Variants in SWAP70 observed in about 807,000 individuals in gnomAD.
SWAP70 encodes switching B cell complex subunit SWAP70.
A neutral mutation model predicts 80.2 loss-of-function variants in SWAP70; 34 were observed. The observed-to-expected ratio is 0.42, with a 90% CI of 0.32 to 0.56. The LOEUF is 0.56. Among genes scored for constraint, SWAP70 ranks in the 20% least tolerant of loss-of-function variants. SWAP70 has a pLI of 0.09. For synonymous variants in SWAP70, 239 were observed against 238.5 expected, an observed-to-expected ratio of 1.00 and a Z score of -0.02; for missense variants, 578 against 690.7, an observed-to-expected ratio of 0.84 and a Z score of 1.83.
At chr11:9,734,039 A>G (rs1223870692) in intron 7 of SWAP70, among the ~76,000 whole-genome samples, 1 of 152,190 alleles carries the variant, frequency 6.6e-6, no homozygotes, top group African/African-American at 2.4e-5. Flanking sequence ...GAATGTTTAC[A>G]TTATATACTG....
intron 9 of SWAP70, among the ~76,000 whole-genome samples, chr11:9,746,842 T>C (rs1376314816): frequency 6.6e-6 from 1 of 152,222 alleles, no homozygotes; most frequent in African/African-American, 2.4e-5. Flanking sequence ...ACCTAGAGTA[T>C]TGGAGCTGAG....
chr11:9,740,190 C>A lies in SWAP70; in HGVS notation c.1198C>A (p.Gln400Lys). The change falls in exon 9 of 12, where the codon CAG (glutamine) becomes AAG (lysine). Residue 400 changes from glutamine (Q) to lysine (K), a missense_variant. Physicochemically the swap from Gln to Lys is moderately conservative, Grantham distance 53. Transcript: ENST00000318950. The part of the protein sequence containing the change: ...ELEREKLIRQ[Q>K]MEEQVAQKSS... ...CCTTTTATACCAACAGATCAGACAG[C>A]AGATGGAAGAACAGGTTGCTCAAAA... is the stretch of plus-strand genomic sequence containing the variant. 6.2e-7 allele frequency: 1 copy of A among 1,613,958 alleles called. No individual in the cohort carries two copies. Among genetic ancestry groups the A allele is most frequent in the Non-Finnish European group, 8.5e-7 (1 of 1,179,926 alleles).
At chr11:9,740,675 C>CT (rs1227060481) in intron 9 of SWAP70, 2 of 369,564 alleles carry the variant, frequency 5.4e-6, no homozygotes, top group African/African-American at 4.2e-5. Flanking sequence ...AGCTTGGCAT[C>CT]TTCAACACGC....
chr11:9,724,923 G>T (rs768249242), intron 4 of SWAP70, 38 bp downstream of exon 4: 11 of 1,306,694 alleles, frequency 8.4e-6, no homozygotes, highest in Non-Finnish European at 1.1e-5. Flanking sequence ...CTCATCTTTA[G>T]AATTTGACAT....
rs1040033640 is a variant in SWAP70 at position 9,714,593 on chromosome 11, G to C, written c.414+954G>C. Among the ~76,000 whole-genome samples, 3 of 152,136 alleles carry C rather than the reference G, an allele frequency of 2.0e-5. No individual in the cohort carries two copies. The South Asian group carries it at 6.2e-4, about 31-fold the overall frequency. ...CAAGGCAAAGTTGCCCTTCAGAAAG[G>C]CTGTACCAAGGCATTAAAGGGTGGG... is the stretch of plus-strand genomic sequence containing the variant. On this transcript the variant is annotated intron_variant, in intron 3 of 11. Coordinates refer to ENST00000318950, the MANE Select transcript of SWAP70 (RefSeq NM_015055.4).
At chr11:9,699,743 C>T (rs1230819513) in intron 2 of SWAP70, among the ~76,000 whole-genome samples, 2 of 151,994 alleles carry the variant, frequency 1.3e-5, no homozygotes, top group African/African-American at 4.8e-5. Flanking sequence ...GTAGTCCTAA[C>T]TACTTGAGAG....
chr11:9,716,140 G>A (rs1394821483), intron 3 of SWAP70, among the ~76,000 whole-genome samples: 1 of 152,188 alleles, frequency 6.6e-6, no homozygotes, highest in East Asian at 1.9e-4. Context: ...AGATGAAGCT[G>A]GAGAGTTTTG....
At chr11:9,749,627 A>G (rs1305072182) in intron 11 of SWAP70, among the ~76,000 whole-genome samples, 2 of 152,184 alleles carry the variant, frequency 1.3e-5, no homozygotes, top group Non-Finnish European at 2.9e-5. Flanking sequence ...GCCCAAATGT[A>G]AAAAAACCAA....
chr11:9,695,445 AAAG>A (rs1192656258), intron 2 of SWAP70, among the ~76,000 whole-genome samples: 9 of 152,294 alleles, frequency 5.9e-5, no homozygotes, highest in African/African-American at 1.7e-4. Flanking sequence ...CTGCCCTAAA[AAAG>A]AGTGAGATCA....
intron 10 of SWAP70, 95 bp downstream of exon 10, chr11:9,748,151 G>C: frequency 7.7e-7 from 1 of 1,294,512 alleles, no homozygotes; most frequent in African/African-American, 1.5e-5. Flanking sequence ...ATATGAAGCT[G>C]TAGTAAGAAT....
rs1019468321 is a variant in SWAP70 at position 9,727,905 on chromosome 11, A to G, written c.643-148A>G. 2.1e-5 allele frequency: 17 copies of G among 826,324 alleles called. No individual in the cohort carries two copies. The African/African-American group carries it at 2.2e-4, about 11-fold the overall frequency. The allele number at this position is 826,324 out of a possible 1,614,324, so 51.2% of individuals were successfully genotyped here. A position where few individuals can be genotyped will look rare whatever the true frequency, so the allele number is the denominator to read the frequency against. ...GCATGACTAGGTGTAATGCCCCTCC[A>G]TAGATTCTCAGAGGATCCAAGAACA... is the stretch of plus-strand genomic sequence containing the variant. On this transcript the variant is annotated intron_variant, in intron 4 of 11. Coordinates refer to ENST00000318950, the MANE Select transcript of SWAP70 (RefSeq NM_015055.4).
intron 8 of SWAP70, among the ~76,000 whole-genome samples, chr11:9,739,432 T>C (rs527720926): frequency 3.1e-4 from 47 of 152,262 alleles, no homozygotes; most frequent in Non-Finnish European, 5.3e-4. Flanking sequence ...TTACTGAACA[T>C]TGGCTTTTTC....
At chr11:9,671,360 A>G (rs1435324071) in intron 1 of SWAP70, among the ~76,000 whole-genome samples, 1 of 114,378 alleles carries the variant, frequency 8.7e-6, no homozygotes, top group Non-Finnish European at 1.6e-5. Flanking sequence ...AAATATATAA[A>G]TAAAATAAAA....
At chr11:9,690,887 A>G (rs1247314795) in intron 1 of SWAP70, among the ~76,000 whole-genome samples, 1 of 151,902 alleles carries the variant, frequency 6.6e-6, no homozygotes, top group Non-Finnish European at 1.5e-5. Context: ...GTTGTTTTAT[A>G]TATACATATA....
chr11:9,713,787 A>G, intron 3 of SWAP70, 148 bp downstream of exon 3: 1 of 924,064 alleles, frequency 1.1e-6, no homozygotes, highest in Non-Finnish European at 1.6e-6. Context: ...TGAGTATAGA[A>G]AAGCTCCAAA....
At chr11:9,743,848 TTCTTTCTCTGTCAGTC>T in intron 9 of SWAP70, among the ~76,000 whole-genome samples, 1 of 152,316 alleles carries the variant, frequency 6.6e-6, no homozygotes, top group South Asian at 2.1e-4. Context: ...TAATGGATAG[TTCTTTCTCTGTCAGTC>T]TCTTAAAAAG....
intron 6 of SWAP70, among the ~76,000 whole-genome samples, chr11:9,731,762 A>G (rs546282122): frequency 1.3e-5 from 2 of 152,348 alleles, no homozygotes; most frequent in Middle Eastern, 3.4e-3. Flanking sequence ...GGCTTATACT[A>G]TCTCAGGAAA....
intron 2 of SWAP70, among the ~76,000 whole-genome samples, chr11:9,706,845 G>A (rs1850921623): frequency 6.6e-6 from 1 of 151,820 alleles, no homozygotes; most frequent in Admixed American, 6.6e-5. Context: ...TTACAGCTGT[G>A]TATATGGTCA....
intron 3 of SWAP70, chr11:9,720,028 G>C (rs1851115125): frequency 1.0e-6 from 1 of 978,366 alleles, no homozygotes; most frequent in Non-Finnish European, 1.2e-6. Flanking sequence ...TGCTTGGAAG[G>C]AGGAAGTAAG....
Sources: allele counts gnomAD v4.1 joint callset (sites outside exome capture counted in the v4.1 genomes callset), GRCh38; gene constraint gnomAD v4.1.1; transcripts MANE v1.5; gene names NCBI Gene and HGNC (gene_info 2026-07-23, HGNC 2026-07-21).